The following PFKFB3 variants were observed in gnomAD, a reference collection of about 807,000 sequenced individuals.
The protein encoded by PFKFB3 is 6-phosphofructo-2-kinase/fructose-2,6-bisphosphatase 3.
A neutral mutation model predicts 68.0 loss-of-function variants in PFKFB3; 33 were observed. The ratio of observed to expected loss-of-function variants is 0.49; its 90% confidence interval spans 0.37 to 0.65. The LOEUF (loss-of-function observed/expected upper bound fraction) is 0.65, where lower values mean the gene tolerates loss of function less well. Ranked by LOEUF, PFKFB3 falls within the 30% of genes least tolerant of loss-of-function variation. The pLI, the probability that PFKFB3 is intolerant of heterozygous loss-of-function variation, is 0.00. For missense variants in PFKFB3, 586 were observed against 712.2 expected, an observed-to-expected ratio of 0.82 and a Z score of 2.02; for synonymous variants, 315 against 288.2, an observed-to-expected ratio of 1.09 and a Z score of -0.94.
intron 6 of PFKFB3, 61 bp from the exon 7 acceptor site, chr10:6,219,508 C>G: frequency 1.9e-6 from 3 of 1,603,966 alleles, no homozygotes; most frequent in Non-Finnish European, 2.6e-6. Context: ...CCAAATCCTG[C>G]TTAATCTCAG....
intron 14 of PFKFB3, among the ~76,000 whole-genome samples, chr10:6,246,408 G>A (rs895852029): frequency 6.7e-6 from 1 of 150,336 alleles, no homozygotes; most frequent in Non-Finnish European, 1.5e-5. Context: ...GCACGATCTC[G>A]GCTCACTGCA....
intron 14 of PFKFB3, chr10:6,231,231 T>C: frequency 7.3e-7 from 1 of 1,361,146 alleles, no homozygotes; most frequent in Non-Finnish European, 1.1e-6. Context: ...TTTTCCAACC[T>C]GTTTCTTCCT....
chr10:6,174,322 T>A (rs543061893), intron 1 of PFKFB3, among the ~76,000 whole-genome samples: 1 of 152,304 alleles, frequency 6.6e-6, no homozygotes, highest in Non-Finnish European at 1.5e-5. Context: ...ACAGCCTAGT[T>A]TATCAATCCA....
At chr10:6,265,791 A>G in the PFKFB3 span, among the ~76,000 whole-genome samples, 1 of 152,196 alleles carries the variant, frequency 6.6e-6, no homozygotes, top group Non-Finnish European at 1.5e-5. Flanking sequence ...AATCTTTGCT[A>G]TAATGATTGC....
chr10:6,209,473 A>AT (rs59104402), intron 1 of PFKFB3, among the ~76,000 whole-genome samples: 9,540 of 150,814 alleles, frequency 0.063, 363 homozygotes, highest in East Asian at 0.14. Flanking sequence ...AAACTCAATA[A>AT]TTTTTTTTTT....
intron 14 of PFKFB3, among the ~76,000 whole-genome samples, chr10:6,247,603 T>C (rs1265209079): frequency 6.6e-6 from 1 of 152,180 alleles, no homozygotes; most frequent in Non-Finnish European, 1.5e-5. Context: ...CCCATTCCAC[T>C]GTGAAGGTTT....
At chr10:6,313,538 C>T in the PFKFB3 span, among the ~76,000 whole-genome samples, 1 of 151,898 alleles carries the variant, frequency 6.6e-6, no homozygotes, top group East Asian at 1.9e-4. This position sits in a 1 kb window ranked among gnomAD's most constrained non-coding sequence, Gnocchi z 4.2. Context: ...GTTCACAGCC[C>T]CTCCTCTGCC....
At chr10:6,184,260 C>T (rs940543895) in intron 1 of PFKFB3, among the ~76,000 whole-genome samples, 5 of 151,972 alleles carry the variant, frequency 3.3e-5, no homozygotes, top group African/African-American at 1.2e-4. Context: ...GCCATGTTGT[C>T]CAGCCTGGTC....
intron 1 of PFKFB3, among the ~76,000 whole-genome samples, chr10:6,160,718 CAAAAAAAAA>C (rs538580465): frequency 3.8e-5 from 3 of 78,684 alleles, no homozygotes; most frequent in African/African-American, 1.6e-4. Flanking sequence ...GACTCTGTCT[CAAAAAAAAA>C]AAAAAAAAAA....
Position 6,220,886 on chromosome 10 carries a change from TGGGCC to T in PFKFB3, c.831+23_831+27del. On this transcript the variant is annotated intron_variant, in intron 8 of 14. Coordinates refer to ENST00000379775, the MANE Select transcript of PFKFB3 (RefSeq NM_004566.4). The surrounding 1 kb of genome is among the most constrained non-coding windows in gnomAD (Gnocchi z 4.1). ...AGAAGGTGCGGGGTGTGCTGCCGCATGGGCCGTTCTGGCTGTAGGGCGGTTGCAGG... is the reference window on the plus strand; with the variant it reads ...AGAAGGTGCGGGGTGTGCTGCCGCATGTTCTGGCTGTAGGGCGGTTGCAGG... 1 of 1,604,614 alleles carries T rather than the reference TGGGCC, an allele frequency of 6.2e-7. No individual in the cohort carries two copies. The highest frequency in any genetic ancestry group is 1.1e-5 in the South Asian group (1 of 90,992).
At chr10:6,304,685 CTT>C in the PFKFB3 span, among the ~76,000 whole-genome samples, 40 of 133,544 alleles carry the variant, frequency 3.0e-4, no homozygotes, top group Non-Finnish European at 3.2e-4. Context: ...ATATTAGGAA[CTT>C]TTTTTTTTTT....
chr10:6,176,329 G>A lies in PFKFB3; in HGVS notation c.16+31316G>A, dbSNP rs558434467. Among the ~76,000 whole-genome samples the A allele has an allele frequency of 2.6e-5, 4 of 152,286 alleles. No individual in the cohort carries two copies. In the East Asian group the frequency reaches 7.7e-4, roughly 29 times the overall value. On this transcript the variant is annotated intron_variant, in intron 1 of 14. Transcript: ENST00000379789. The stretch of plus-strand genomic sequence containing the variant: ...GGGTTTCTGTAGCGACCTGGTTGAT[G>A]GGTGGGGGTTGCATAGGCATGCTTT...
Position 6,226,350 on chromosome 10 carries a change from G to T in PFKFB3, c.1500G>T (p.Thr500=), listed in dbSNP as rs201949985. ...GCTGCCTGCCCCCGGAGGTGCCCAC[G>T]CAGCTGCCTGGACAAGTCAGTGCAC... The part of the protein sequence containing the change: ...LPSCLPPEVP[T]QLPGQNMKGS... Residue 500 remains threonine (T), a synonymous_variant, in exon 14 of 15, where the codon ACG becomes ACT. Coordinates refer to ENST00000379775, the MANE Select transcript of PFKFB3 (RefSeq NM_004566.4). The T allele has an allele frequency of 1.2e-6, 2 of 1,612,786 alleles. No homozygotes were observed. Among genetic ancestry groups the T allele is most frequent in the Non-Finnish European group, 1.7e-6 (2 of 1,179,510 alleles).
intron 1 of PFKFB3, chr10:6,145,152 A>C (rs11256972): frequency 1.7e-6 from 1 of 579,716 alleles, no homozygotes; most frequent in African/African-American, 1.9e-5. Flanking sequence ...GCCCGGGGCC[A>C]AGCGAGACGC....
chr10:6,203,299 C>G lies in PFKFB3; in HGVS notation c.39C>G (p.Ile13Met). 6.2e-7 allele frequency: 1 copy of G among 1,611,042 alleles called. No homozygotes were observed. Among genetic ancestry groups the G allele is most frequent in the Non-Finnish European group, 8.5e-7 (1 of 1,178,732 alleles). Residue 13 changes from isoleucine to methionine, a missense_variant, in exon 1 of 15, where the codon ATC (isoleucine) becomes ATG (methionine). Coordinates refer to ENST00000379775, the MANE Select transcript of PFKFB3 (RefSeq NM_004566.4). ...LELTQSRVQK[I>M]WVPVDHRPSL... ...TGACGCAGAGCCGAGTGCAGAAGAT[C>G]TGGGTGCCCGTGGACCACAGGCCCT...
chr10:6,229,593 T>C lies in PFKFB3; in HGVS notation c.1515+3228T>C, dbSNP rs7904794. Among the ~76,000 whole-genome samples, 74,128 of 151,748 alleles carry C rather than the reference T, an allele frequency of 0.49. 18,634 individuals are homozygous for C. The highest frequency in any genetic ancestry group is 0.61 in the African/African-American group (25,392 of 41,368). ...GGCCTGCCCTTAACTTCCAGCTTCT[T>C]GGGGCGCACCCTCCATCCTCAGGGC... On this transcript the variant is annotated intron_variant, in intron 14 of 14. Coordinates refer to ENST00000379775, the MANE Select transcript of PFKFB3 (RefSeq NM_004566.4). The surrounding 1 kb of genome is among the most constrained non-coding windows in gnomAD (Gnocchi z 4.3).
downstream of PFKFB3, among the ~76,000 whole-genome samples, chr10:6,258,361 A>T (rs1846510672): frequency 6.6e-6 from 1 of 152,204 alleles, no homozygotes; most frequent in Non-Finnish European, 1.5e-5. Context: ...TATAACAGGA[A>T]CAAAAAAGAC....
chr10:6,269,732 C>G, the PFKFB3 span, among the ~76,000 whole-genome samples: 10 of 152,290 alleles, frequency 6.6e-5, no homozygotes, highest in East Asian at 1.7e-3. Context: ...TGGTCACTGA[C>G]TGAGTTATTT....
chr10:6,218,806 T>G (rs973323211), intron 6 of PFKFB3, among the ~76,000 whole-genome samples: 2 of 152,202 alleles, frequency 1.3e-5, no homozygotes, highest in Non-Finnish European at 2.9e-5. Context: ...CCACACTCTA[T>G]CCGCAGGACT....
Sources: allele counts gnomAD v4.1 joint callset (sites outside exome capture counted in the v4.1 genomes callset), GRCh38; gene constraint gnomAD v4.1.1; non-coding constraint Gnocchi (gnomAD v3.1); transcripts MANE v1.5; gene names NCBI Gene and HGNC (gene_info 2026-07-23, HGNC 2026-07-21).